Variants in NUBPL observed in about 807,000 individuals in gnomAD.
NUBPL encodes iron-sulfur cluster transfer protein NUBPL.
Under a neutral mutation model 45.7 loss-of-function variants are expected in NUBPL, and 31 were observed. That is an observed-to-expected ratio of 0.68 (90% CI 0.51 to 0.92). The LOEUF is 0.92. NUBPL is among the 40% of genes least tolerant of loss of function. NUBPL has a pLI of 0.00. For synonymous variants in NUBPL, 144 were observed against 140.9 expected, an observed-to-expected ratio of 1.02 and a Z score of -0.15; for missense variants, 401 against 398.7, an observed-to-expected ratio of 1.01 and a Z score of -0.05.
At position 31,648,136 on chromosome 14, in the gene NUBPL, C is replaced by T. The variant is rs144295460; in HGVS notation, c.383-25219C>T. ...AATGAATTAGCTTTGTGATATTGAACAAGATGAAAAAGAGAAGAAAAGGAG... is the reference window on the plus strand; with the variant it reads ...AATGAATTAGCTTTGTGATATTGAATAAGATGAAAAAGAGAAGAAAAGGAG... On this transcript the variant is annotated intron_variant, in intron 4 of 10. Coordinates refer to ENST00000281081, the MANE Select transcript of NUBPL (RefSeq NM_025152.3). Among the ~76,000 whole-genome samples the T allele has an allele frequency of 2.8e-3, 432 of 151,986 alleles. 2 individuals carry two copies. Among genetic ancestry groups the T allele is most frequent in the African/African-American group, 9.8e-3 (405 of 41,456 alleles).
intron 4 of NUBPL, among the ~76,000 whole-genome samples, chr14:31,602,242 G>C (rs1192195674): frequency 6.6e-6 from 1 of 152,000 alleles, no homozygotes. Flanking sequence ...ACTGTTGTGG[G>C]GTGGGAGGAG....
At chr14:31,677,838 G>A (rs1325740210) in intron 6 of NUBPL, among the ~76,000 whole-genome samples, 2 of 152,194 alleles carry the variant, frequency 1.3e-5, no homozygotes, top group Non-Finnish European at 2.9e-5. Flanking sequence ...CCCTGTAGCT[G>A]TACGATCAGC....
chr14:31,661,559 C>T (rs562648467), intron 4 of NUBPL, among the ~76,000 whole-genome samples: 33 of 152,202 alleles, frequency 2.2e-4, no homozygotes, highest in African/African-American at 6.0e-4. Context: ...TGTTTTTCTC[C>T]GAGACGGAGT....
At position 31,702,282 on chromosome 14, in the gene NUBPL, T is replaced by C. The variant is rs113092854; in HGVS notation, c.513+28708T>C. On this transcript the variant is annotated intron_variant, in intron 6 of 10. Transcript: ENST00000281081. The stretch of plus-strand genomic sequence containing the variant: ...TAGCATTGCCAACCAGGGAAGCTCA[T>C]GTGAGCCTTGATGTTCAGAGTTTTT... Among the ~76,000 whole-genome samples, 399 of 152,354 alleles carry C rather than the reference T, an allele frequency of 2.6e-3. 1 individual carries two copies. The highest frequency in any genetic ancestry group is 8.6e-3 in the Admixed American group (132 of 15,310).
chr14:31,760,156 A>T lies in NUBPL; in HGVS notation c.514-27624A>T, dbSNP rs371654893. On this transcript the variant is annotated intron_variant, in intron 6 of 10. Transcript: ENST00000281081. ...GTGTGTGTGTGTGTGAGAGAGAGAG[A>T]GAGAGAGAGAGAGAGAGAGAGAGAG... Among the ~76,000 whole-genome samples, 80 of 30,510 alleles carry T rather than the reference A, an allele frequency of 2.6e-3. 3 individuals are homozygous for T. Among genetic ancestry groups the T allele is most frequent in the Middle Eastern group, 0.021 (1 of 48 alleles). The allele number at this position is 30,510 out of a possible 152,430, so 20.0% of individuals were successfully genotyped here.
chr14:31,602,928 A>G (rs1392707006), intron 4 of NUBPL, among the ~76,000 whole-genome samples: 2 of 152,220 alleles, frequency 1.3e-5, no homozygotes, highest in Non-Finnish European at 2.9e-5. Context: ...AGTAATTTTT[A>G]AATACCTCTT....
chr14:31,696,433 T>C (rs575731925), intron 6 of NUBPL, among the ~76,000 whole-genome samples: 30 of 152,336 alleles, frequency 2.0e-4, no homozygotes, highest in African/African-American at 6.3e-4. Context: ...AGTGGCTCTC[T>C]CCTTTGTCAA....
chr14:31,641,386 A>T (rs1460858881), intron 4 of NUBPL, among the ~76,000 whole-genome samples: 1 of 151,968 alleles, frequency 6.6e-6, no homozygotes, highest in Non-Finnish European at 1.5e-5. Flanking sequence ...TCTTCAACAA[A>T]TCCATATTTT....
At chr14:31,674,310 T>G (rs1203669397) in intron 6 of NUBPL, among the ~76,000 whole-genome samples, 1 of 152,258 alleles carries the variant, frequency 6.6e-6, no homozygotes, top group Non-Finnish European at 1.5e-5. Flanking sequence ...AGGTTGATAA[T>G]TCTAATGGTA....
intron 6 of NUBPL, among the ~76,000 whole-genome samples, chr14:31,681,233 T>G (rs2139833163): frequency 6.6e-6 from 1 of 152,146 alleles, no homozygotes; most frequent in East Asian, 1.9e-4. Flanking sequence ...TTTTGATGAC[T>G]AATTCTATTC....
At chr14:31,702,083 T>C (rs1394865432) in intron 6 of NUBPL, among the ~76,000 whole-genome samples, 1 of 152,186 alleles carries the variant, frequency 6.6e-6, no homozygotes, top group Non-Finnish European at 1.5e-5. Flanking sequence ...CACTGAAAGA[T>C]GTTATACTCA....
intron 6 of NUBPL, among the ~76,000 whole-genome samples, chr14:31,724,802 T>G (rs75883491): frequency 1.3e-5 from 2 of 152,128 alleles, no homozygotes; most frequent in Non-Finnish European, 2.9e-5. Flanking sequence ...GAAAACCGTA[T>G]AGTATAACAT....
At chr14:31,640,188 G>C (rs2035644608) in intron 4 of NUBPL, among the ~76,000 whole-genome samples, 1 of 152,082 alleles carries the variant, frequency 6.6e-6, no homozygotes, top group East Asian at 1.9e-4. Context: ...GCTCATGCTG[G>C]GAGCTGTAGA....
intron 2 of NUBPL, among the ~76,000 whole-genome samples, chr14:31,563,176 G>T (rs2033345622): frequency 1.3e-5 from 2 of 152,038 alleles, no homozygotes; most frequent in Admixed American, 1.3e-4. Flanking sequence ...TTTGGTTCTA[G>T]AACCTTTTGG....
chr14:31,664,088 A>T (rs1457797061), intron 4 of NUBPL, among the ~76,000 whole-genome samples: 1 of 152,108 alleles, frequency 6.6e-6, no homozygotes, highest in Non-Finnish European at 1.5e-5. Flanking sequence ...CATTAATTTT[A>T]TATCCTGAGA....
chr14:31,652,534 G>C (rs1054057845), intron 4 of NUBPL, among the ~76,000 whole-genome samples: 9 of 151,932 alleles, frequency 5.9e-5, no homozygotes, highest in Non-Finnish European at 4.4e-5. Context: ...ACATTGCTTT[G>C]TATACCATAA....
chr14:31,788,779 G>A (rs985605879), intron 7 of NUBPL, among the ~76,000 whole-genome samples: 6 of 152,110 alleles, frequency 3.9e-5, no homozygotes, highest in Non-Finnish European at 8.8e-5. Context: ...CTAGCATGCA[G>A]GTTTTGGGTA....
At chr14:31,752,186 G>A (rs1044969301) in intron 6 of NUBPL, among the ~76,000 whole-genome samples, 1 of 152,152 alleles carries the variant, frequency 6.6e-6, no homozygotes, top group Non-Finnish European at 1.5e-5. Context: ...GCAAATTTCT[G>A]CAGCCTGCTT....
chr14:31,563,249 G>C (rs2033347143), intron 2 of NUBPL, among the ~76,000 whole-genome samples: 1 of 152,152 alleles, frequency 6.6e-6, no homozygotes, highest in South Asian at 2.1e-4. Flanking sequence ...ACTTGAACTG[G>C]ATAAGGATGG....
Sources: gnomAD v4.1 joint callset for allele counts (sites outside exome capture counted in the v4.1 genomes callset) on GRCh38, gnomAD v4.1.1 for gene constraint, MANE v1.5 for transcripts, NCBI Gene and HGNC (gene_info 2026-07-23, HGNC 2026-07-21) for gene names.